Variants in PARD3 observed in about 807,000 individuals in gnomAD.
PARD3 encodes the protein partitioning defective 3 homolog.
Under a neutral mutation model 155.4 loss-of-function variants are expected in PARD3, and 75 were observed. The ratio of observed to expected loss-of-function variants is 0.48; its 90% confidence interval spans 0.40 to 0.58. PARD3 has a LOEUF of 0.58. Ranked by LOEUF, PARD3 falls within the 20% of genes least tolerant of loss-of-function variation. The pLI, the probability that PARD3 is intolerant of heterozygous loss-of-function variation, is 0.00. For missense variants in PARD3, 1,642 were observed against 1,721.7 expected, an observed-to-expected ratio of 0.95 and a Z score of 0.82; for synonymous variants, 576 against 610.5, an observed-to-expected ratio of 0.94 and a Z score of 0.83.
chr10:34,742,768 A>G (rs988149306), intron 1 of PARD3, among the ~76,000 whole-genome samples: 11 of 152,208 alleles, frequency 7.2e-5, no homozygotes, highest in Non-Finnish European at 1.5e-4. Flanking sequence ...AATTATCTGT[A>G]AAAACTAATT....
intron 3 of PARD3, among the ~76,000 whole-genome samples, chr10:34,504,429 TAAA>T (rs57691806): frequency 4.5e-5 from 6 of 132,650 alleles, no homozygotes; most frequent in Non-Finnish European, 8.1e-5. Flanking sequence ...TCCCCAAGAT[TAAA>T]AAAAAAAAAA....
chr10:34,133,218 A>G (rs900664307), intron 22 of PARD3, among the ~76,000 whole-genome samples: 2 of 152,166 alleles, frequency 1.3e-5, no homozygotes, highest in Non-Finnish European at 2.9e-5. Context: ...GCACTGCAAC[A>G]TGCCCACTGG....
At position 34,544,901 on chromosome 10, in the gene PARD3, A is replaced by G. The variant is rs1013149620; in HGVS notation, c.223-27742T>C. Among the ~76,000 whole-genome samples, 5 of 152,312 alleles carry G rather than the reference A, an allele frequency of 3.3e-5. No homozygotes were observed. The South Asian group carries it at 6.2e-4, about 19-fold the overall frequency. ...AGTTAAGCCATGAAGCAGAGACACT[A>G]AAAGGTAATATAAAGCCCACCACTA... On this transcript the variant is annotated intron_variant, in intron 2 of 24. Transcript: ENST00000374788.
chr10:34,653,096 T>C (rs1010894641), intron 2 of PARD3, among the ~76,000 whole-genome samples: 7 of 152,208 alleles, frequency 4.6e-5, no homozygotes, highest in African/African-American at 1.7e-4. Context: ...TGGATCACTT[T>C]CAAGGATGAG....
intron 23 of PARD3, among the ~76,000 whole-genome samples, chr10:34,131,046 C>T (rs937126822): frequency 2.0e-5 from 3 of 152,038 alleles, no homozygotes; most frequent in East Asian, 1.9e-4. Context: ...TGTGACAAAG[C>T]GAGACCTCAT....
At chr10:34,549,018 T>C (rs984817152) in intron 2 of PARD3, among the ~76,000 whole-genome samples, 1 of 152,246 alleles carries the variant, frequency 6.6e-6, no homozygotes, top group African/African-American at 2.4e-5. Flanking sequence ...AGAACAAAAC[T>C]GCAACCAACA....
chr10:34,600,567 A>C (rs1168959850), intron 2 of PARD3, among the ~76,000 whole-genome samples: 1 of 152,158 alleles, frequency 6.6e-6, no homozygotes, highest in Non-Finnish European at 1.5e-5. Flanking sequence ...CAGGACCTTA[A>C]GCCAAGGAAA....
intron 20 of PARD3, among the ~76,000 whole-genome samples, chr10:34,316,396 G>A (rs1010224660): frequency 6.6e-6 from 1 of 152,170 alleles, no homozygotes; most frequent in African/African-American, 2.4e-5. Flanking sequence ...GATATGCTAA[G>A]TAATCCTAGA....
Position 34,164,687 on chromosome 10 carries a change from C to T in PARD3, c.3420-33104G>A, listed in dbSNP as rs141201345. 1.4e-3 allele frequency among the ~76,000 whole-genome samples: 218 copies of T among 152,256 alleles called. 2 individuals are homozygous for T. Among genetic ancestry groups the T allele is most frequent in the African/African-American group, 4.9e-3 (202 of 41,548 alleles). On this transcript the variant is annotated intron_variant, in intron 22 of 24. Transcript: ENST00000374788. ...TGTGTTTTATAGTTACAGCAGAAGA[C>T]GACATGCAGTTTTCCTGTGCAGAAA...
At chr10:34,199,509 G>T (rs771001269) in intron 22 of PARD3, among the ~76,000 whole-genome samples, 2 of 152,098 alleles carry the variant, frequency 1.3e-5, no homozygotes, top group African/African-American at 2.4e-5. Context: ...CGAGGTCATG[G>T]CCATGGTTTC....
At chr10:34,345,780 C>T (rs1209907196) in intron 15 of PARD3, 2 of 985,206 alleles carry the variant, frequency 2.0e-6, no homozygotes, top group African/African-American at 1.7e-5. Flanking sequence ...TGCAAGGTAA[C>T]GTCTTGAACA....
chr10:34,778,532 T>A (rs1207696597), intron 1 of PARD3, among the ~76,000 whole-genome samples: 1 of 152,122 alleles, frequency 6.6e-6, no homozygotes, highest in Non-Finnish European at 1.5e-5. Context: ...CATTTTCCAA[T>A]AAGAAATGTT....
intron 20 of PARD3, among the ~76,000 whole-genome samples, chr10:34,303,883 C>T (rs948651261): frequency 1.3e-4 from 19 of 151,852 alleles, no homozygotes; most frequent in Non-Finnish European, 7.4e-5. Flanking sequence ...ACACAGTCTG[C>T]GGAAAAGACC....
At chr10:34,666,290 T>C (rs966441333) in intron 2 of PARD3, among the ~76,000 whole-genome samples, 2 of 151,830 alleles carry the variant, frequency 1.3e-5, no homozygotes, top group Admixed American at 6.6e-5. Context: ...AACTCCGGCA[T>C]GTACATATTC....
chr10:34,239,362 G>A (rs775340842), intron 22 of PARD3, among the ~76,000 whole-genome samples: 6 of 152,196 alleles, frequency 3.9e-5, no homozygotes, highest in Admixed American at 6.5e-5. Context: ...TACCAAAAGC[G>A]GAGCCTCCGC....
rs551713220 is a variant in PARD3, at chr10:34,154,538, G to T, written c.3420-22955C>A. On this transcript the variant is annotated intron_variant, in intron 22 of 24. Coordinates refer to ENST00000374788, the MANE Select transcript of PARD3 (RefSeq NM_001184785.2). ...TCACCTGATTTTCCTCATCAACAAG[G>T]AACAACAGTAGACAGGTGAGCAGTT... Among the ~76,000 whole-genome samples the T allele has an allele frequency of 1.1e-4, 16 of 152,202 alleles. No individual in the cohort carries two copies. The South Asian group carries it at 2.3e-3, about 22-fold the overall frequency.
intron 2 of PARD3, among the ~76,000 whole-genome samples, chr10:34,652,639 T>C (rs982620051): frequency 3.9e-5 from 6 of 152,124 alleles, no homozygotes; most frequent in Non-Finnish European, 8.8e-5. Flanking sequence ...TGCACGCTGT[T>C]TGGGGAATGG....
chr10:34,756,477 T>TA (rs34468358), intron 1 of PARD3, among the ~76,000 whole-genome samples: 32,571 of 83,274 alleles, frequency 0.39, 6,568 homozygotes, highest in Non-Finnish European at 0.44. Context: ...TTTTTTCTTA[T>TA]AAAAAAAAAA....
chr10:34,343,944 A>T, intron 15 of PARD3: 4 of 982,026 alleles, frequency 4.1e-6, no homozygotes, highest in Non-Finnish European at 4.8e-6. Context: ...TACTAGAGGA[A>T]AACTGTGCCA....
Sources: gnomAD v4.1 joint callset for allele counts (sites outside exome capture counted in the v4.1 genomes callset) on GRCh38, gnomAD v4.1.1 for gene constraint, MANE v1.5 for transcripts, NCBI Gene and HGNC (gene_info 2026-07-23, HGNC 2026-07-21) for gene names.